Variants in LYPD4 observed in about 807,000 individuals in gnomAD.
The protein encoded by LYPD4 is ly6/PLAUR domain-containing protein 4.
In LYPD4, 20 loss-of-function variants were observed where a neutral mutation model predicts 18.2. The ratio of observed to expected loss-of-function variants is 1.10; its 90% confidence interval spans 0.77 to 1.59. The LOEUF (loss-of-function observed/expected upper bound fraction) is 1.59. LYPD4 is among the 40% of genes most tolerant of loss of function. The pLI is 0.00. For missense variants in LYPD4, 278 were observed against 300.3 expected (o/e 0.93, Z 0.55); for synonymous variants, 111 against 118.3 (o/e 0.94, Z 0.40).
rs1301210462 is a variant in LYPD4, at chr19:41,843,777, TGAGGGAGATTAGGCCAATCAGA to T, written c.-342_-321del. 1 of 144,730 alleles carries T rather than the reference TGAGGGAGATTAGGCCAATCAGA, an allele frequency of 6.9e-6. No individual in the cohort carries two copies. Among genetic ancestry groups the T allele is most frequent in the Admixed American group, 6.9e-5 (1 of 14,472 alleles). The allele number at this position is 144,730 out of a possible 1,614,324, so 9.0% of individuals were successfully genotyped here. A position where few individuals can be genotyped will look rare whatever the true frequency, so the allele number is the denominator to read the frequency against. ...AGGCTGACAACAGATCTCACGGGGG[TGAGGGAGATTAGGCCAATCAGA>T]GAAGACAGCACACGCCAGCCTCAGA... On this transcript the variant is annotated 5_prime_UTR_variant, in exon 1 of 5. Coordinates refer to ENST00000609812, the MANE Select transcript of LYPD4 (RefSeq NM_173506.7).
At chr19:41,835,896 T>C, downstream of LYPD4, 1 of 916,724 alleles carries the variant, frequency 1.1e-6, no homozygotes, top group East Asian at 1.2e-4. Context: ...TGACATCTAT[T>C]TAATAAGGTT....
chr19:41,840,827 C>G (rs1168925159), intron 1 of LYPD4, among the ~76,000 whole-genome samples: 2 of 147,734 alleles, frequency 1.4e-5, no homozygotes, highest in Admixed American at 6.8e-5. Flanking sequence ...GAAACTCCGT[C>G]TCAAAAAAAA....
Position 41,837,104 on chromosome 19 carries a change from G to A in LYPD4, c.*39C>T, listed in dbSNP as rs370158115. The A allele has an allele frequency of 8.8e-5, 142 of 1,612,432 alleles. No homozygotes were observed. The African/African-American group carries it at 1.5e-3, about 17-fold the overall frequency. Reference sequence around the variant, plus strand: ...GGAACTCTGCTATTTTATTTGTTATGTGAAAGAGTCTGGGTGCTTGTCGGG... The same window carrying A: ...GGAACTCTGCTATTTTATTTGTTATATGAAAGAGTCTGGGTGCTTGTCGGG... On this transcript the variant is annotated 3_prime_UTR_variant, in exon 5 of 5. Coordinates refer to ENST00000609812, the MANE Select transcript of LYPD4 (RefSeq NM_173506.7).
At chr19:41,840,066 A>ATT (rs1239874011) in intron 1 of LYPD4, among the ~76,000 whole-genome samples, 1 of 151,858 alleles carries the variant, frequency 6.6e-6, no homozygotes, top group Non-Finnish European at 1.5e-5. Context: ...AAAAAAAAGT[A>ATT]TTTAGAACTG....
chr19:41,843,313 C>T (rs782752018), intron 1 of LYPD4, among the ~76,000 whole-genome samples: 24 of 151,950 alleles, frequency 1.6e-4, no homozygotes, highest in Non-Finnish European at 2.8e-4. Flanking sequence ...AACTCAGAGC[C>T]TACTACCTTC....
chr19:41,837,126 C>A lies in LYPD4; in HGVS notation c.*17G>T. On this transcript the variant is annotated 3_prime_UTR_variant, in exon 5 of 5. Coordinates refer to ENST00000609812, the MANE Select transcript of LYPD4 (RefSeq NM_173506.7). ...TATGTGAAAGAGTCTGGGTGCTTGTCGGGTGCAGCTAGATGGTCAGTCCCT... is the reference window on the plus strand; with the variant it reads ...TATGTGAAAGAGTCTGGGTGCTTGTAGGGTGCAGCTAGATGGTCAGTCCCT... 6.2e-7 allele frequency: 1 copy of A among 1,613,416 alleles called. No homozygotes were observed. The highest frequency in any genetic ancestry group is 8.5e-7 in the Non-Finnish European group (1 of 1,179,752).
At position 41,843,058 on chromosome 19, in the gene LYPD4, AAAAAAAAAAAAAAAAAAAAC is replaced by A. The variant is rs1600568898; in HGVS notation, c.-121+500_-121+519del. Among the ~76,000 whole-genome samples the A allele has an allele frequency of 4.0e-3, 218 of 54,672 alleles. 14 individuals carry two copies. The highest frequency in any genetic ancestry group is 0.011 in the Middle Eastern group (1 of 94). 35.9% of individuals were successfully genotyped at this position (54,672 alleles called of 152,430 possible). A position where few individuals can be genotyped will look rare whatever the true frequency, so the allele number is the denominator to read the frequency against. Reference sequence around the variant, plus strand: ...AAAAAAAAAAAAAAAAAAAAAAAAAAAAAAAAAAAAAAAAAAAAACCCCAACAACAACACTACACACATCC... The same window carrying A: ...AAAAAAAAAAAAAAAAAAAAAAAAAACCCAACAACAACACTACACACATCC... On this transcript the variant is annotated intron_variant, in intron 1 of 4. Transcript: ENST00000609812.
In LYPD4 at chr19:41,838,900, C is replaced by T. The variant is rs781940438; in HGVS notation, c.192G>A (p.Thr64=). The change falls in exon 3 of 5, where the codon ACG becomes ACA. Residue 64 remains threonine, a synonymous_variant. Coordinates refer to ENST00000609812, the MANE Select transcript of LYPD4 (RefSeq NM_173506.7). The part of the protein sequence containing the change: ...VCKLQEGCEE[T]LVFIETGTAR... Reference sequence around the variant, plus strand: ...CTTCACCTGTCTCAATGAACACTAGCGTCTCCTCGCAGCCCTCTTGCAGCT... The same window carrying T: ...CTTCACCTGTCTCAATGAACACTAGTGTCTCCTCGCAGCCCTCTTGCAGCT... 3 of 1,613,914 alleles carry T rather than the reference C, an allele frequency of 1.9e-6. No individual in the cohort carries two copies. The highest frequency in any genetic ancestry group is 1.1e-5 in the South Asian group (1 of 91,078).
downstream of LYPD4, chr19:41,836,957 G>A (rs1250023045): frequency 8.6e-6 from 10 of 1,161,460 alleles, no homozygotes; most frequent in African/African-American, 7.8e-5. Context: ...CCAGTTGCTG[G>A]GCAGGACACT....
chr19:41,837,095 A>C lies in LYPD4; in HGVS notation c.*48T>G, dbSNP rs2073388811. Reference sequence around the variant, plus strand: ...TGCAGAAAGGGAACTCTGCTATTTTATTTGTTATGTGAAAGAGTCTGGGTG... The same window carrying C: ...TGCAGAAAGGGAACTCTGCTATTTTCTTTGTTATGTGAAAGAGTCTGGGTG... On this transcript the variant is annotated 3_prime_UTR_variant, in exon 5 of 5. Transcript: ENST00000609812. 1 of 1,611,112 alleles carries C rather than the reference A, an allele frequency of 6.2e-7. No homozygotes were observed. The highest frequency in any genetic ancestry group is 1.7e-5 in the Admixed American group (1 of 59,856).
chr19:41,836,417 G>A (rs1463166770), downstream of LYPD4, among the ~76,000 whole-genome samples: 1 of 151,014 alleles, frequency 6.6e-6, no homozygotes, highest in East Asian at 1.9e-4. Context: ...GGGAGGTAAG[G>A]GAGATGCTAC....
chr19:41,837,850 C>A, intron 4 of LYPD4, 85 bp downstream of exon 4: 3 of 1,371,544 alleles, frequency 2.2e-6, no homozygotes, highest in East Asian at 2.5e-5. Context: ...TCTCTGGATC[C>A]CACCAGCCTC....
chr19:41,835,968 G>A (rs983737489), downstream of LYPD4: 2 of 254,518 alleles, frequency 7.9e-6, no homozygotes, highest in Non-Finnish European at 1.2e-5. Flanking sequence ...GGTACCCTAC[G>A]TCACTGCCTC....
chr19:41,843,075 A>C lies in LYPD4; in HGVS notation c.-121+503T>G, dbSNP rs2073691411. 3.6e-4 allele frequency among the ~76,000 whole-genome samples: 16 copies of C among 44,006 alleles called. 2 individuals carry two copies. Among genetic ancestry groups the C allele is most frequent in the Non-Finnish European group, 6.9e-4 (15 of 21,644 alleles). The allele number at this position is 44,006 out of a possible 152,430, so 28.9% of individuals were successfully genotyped here. Reference sequence around the variant, plus strand: ...AAAAAAAAAAAAAAAAAAAAAAAAAAAACCCCAACAACAACACTACACACA... The same window carrying C: ...AAAAAAAAAAAAAAAAAAAAAAAAACAACCCCAACAACAACACTACACACA... On this transcript the variant is annotated intron_variant, in intron 1 of 4. Transcript: ENST00000609812.
rs1568758238 is a variant in LYPD4, at chr19:41,838,192, TAGG to T, written c.278_280del (p.Ser93del). ...GGACACTCCGGGTGGGGAAACAAGG[TAGG>T]AGATTTGCGCAGGGTAAGACGAAGA... On this transcript the variant is annotated inframe_deletion, in exon 4 of 5. Coordinates refer to ENST00000609812, the MANE Select transcript of LYPD4 (RefSeq NM_173506.7). The T allele has an allele frequency of 6.3e-7, 1 of 1,591,724 alleles. No individual in the cohort carries two copies. The highest frequency in any genetic ancestry group is 2.2e-5 in the East Asian group (1 of 44,452).
downstream of LYPD4, among the ~76,000 whole-genome samples, chr19:41,836,902 A>C (rs1436382876): frequency 6.6e-6 from 1 of 152,124 alleles, no homozygotes; most frequent in Non-Finnish European, 1.5e-5. Flanking sequence ...CTGGAGCTCA[A>C]GCCTCCAGAG....
intron 1 of LYPD4, among the ~76,000 whole-genome samples, chr19:41,839,965 C>T (rs2073523269): frequency 6.6e-6 from 1 of 151,844 alleles, no homozygotes; most frequent in African/African-American, 2.4e-5. Flanking sequence ...ATGAGAATCG[C>T]TTGAACCCAG....
chr19:41,839,546 C>G lies in LYPD4; in HGVS notation c.-120-141G>C, dbSNP rs923528459. On this transcript the variant is annotated intron_variant, in intron 1 of 4. Coordinates refer to ENST00000609812, the MANE Select transcript of LYPD4 (RefSeq NM_173506.7). The stretch of plus-strand genomic sequence containing the variant: ...CATCTTAGCTTCTCAAAGCAGGACT[C>G]TCACTCTCCCACTTAGGTCCTCCCA... 2.0e-5 allele frequency: 10 copies of G among 510,344 alleles called. No individual in the cohort carries two copies. The East Asian group carries it at 3.3e-4, about 17-fold the overall frequency. The allele number at this position is 510,344 out of a possible 1,614,324, so 31.6% of individuals were successfully genotyped here. A position where few individuals can be genotyped will look rare whatever the true frequency, so the allele number is the denominator to read the frequency against.
chr19:41,839,397 T>C lies in LYPD4; in HGVS notation c.-112A>G. The C allele has an allele frequency of 9.9e-7, 1 of 1,013,398 alleles. No individual in the cohort carries two copies. Among genetic ancestry groups the C allele is most frequent in the South Asian group, 1.4e-5 (1 of 73,014 alleles). The allele number at this position is 1,013,398 out of a possible 1,614,324, so 62.8% of individuals were successfully genotyped here. A position where few individuals can be genotyped will look rare whatever the true frequency, so the allele number is the denominator to read the frequency against. ...AATTCTTTGTCCACCTGTCTCTGGG[T>C]CACTGTTTCTGGAGCAGAAAGTTGA... On this transcript the variant is annotated 5_prime_UTR_variant, in exon 2 of 5. Coordinates refer to ENST00000609812, the MANE Select transcript of LYPD4 (RefSeq NM_173506.7).
Sources: allele counts gnomAD v4.1 joint callset (sites outside exome capture counted in the v4.1 genomes callset), GRCh38; gene constraint gnomAD v4.1.1; transcripts MANE v1.5; gene names NCBI Gene and HGNC (gene_info 2026-07-23, HGNC 2026-07-21).